The following CRYBA4 variants were observed in gnomAD, a reference collection of about 807,000 sequenced individuals.
CRYBA4 encodes crystallin beta A4, also known as beta-crystallin A4.
CRYBA4 carries 30 observed loss-of-function variants against 31.7 expected under a neutral mutation model. The ratio of observed to expected loss-of-function variants is 0.95; its 90% CI spans 0.71 to 1.28. The LOEUF (loss-of-function observed/expected upper bound fraction) is 1.28. Ranked by LOEUF, CRYBA4 falls within the 50% of genes most tolerant of loss-of-function variation. The probability of loss-of-function intolerance (pLI) is 0.00; values close to 1 mark genes in which losing one functional copy is unlikely to be tolerated. For missense variants in CRYBA4, 225 were observed against 260.7 expected (o/e 0.86, Z 0.94); for synonymous variants, 102 against 102.3 (o/e 1.00, Z 0.02).
the CRYBA4 span, among the ~76,000 whole-genome samples, chr22:26,593,946 A>G: frequency 6.6e-6 from 1 of 152,218 alleles, no homozygotes; most frequent in South Asian, 2.1e-4. Flanking sequence ...CCCATTTTAC[A>G]GATGTGGAAA....
the CRYBA4 span, among the ~76,000 whole-genome samples, chr22:26,600,051 A>T: frequency 6.6e-6 from 1 of 152,204 alleles, no homozygotes; most frequent in African/African-American, 2.4e-5. Flanking sequence ...CAAGAATAGG[A>T]CTTAGGGACT....
In CRYBA4 at chr22:26,625,534, G is replaced by T. The variant is rs778397499; in HGVS notation, c.212G>T (p.Arg71Leu). Residue 71 changes from arginine (R) to leucine (L), a missense_variant, in exon 4 of 6, where the codon CGA (arginine) becomes CTA (leucine). Coordinates refer to ENST00000354760, the MANE Select transcript of CRYBA4 (RefSeq NM_001886.3). ...CAAGGGCAGCAGTACATTCTGGAACGAGGCGAATATCCAAGCTGGGATGCC... is the reference window on the plus strand; with the variant it reads ...CAAGGGCAGCAGTACATTCTGGAACTAGGCGAATATCCAAGCTGGGATGCC... ...GFQGQQYILE[R>L]GEYPSWDAWG... 9 of 1,614,048 alleles carry T rather than the reference G, an allele frequency of 5.6e-6. No individual in the cohort carries two copies. The highest frequency in any genetic ancestry group is 7.6e-6 in the Non-Finnish European group (9 of 1,180,022).
the CRYBA4 span, among the ~76,000 whole-genome samples, chr22:26,612,812 G>A: frequency 3.9e-5 from 6 of 152,210 alleles, no homozygotes; most frequent in East Asian, 5.8e-4. Context: ...TCCCTAATAC[G>A]CATTCCAGCT....
rs201917169 is a variant in CRYBA4 at position 26,627,488 on chromosome 22, T to TTTTCTTTCTTTCTTTCTTTC, written c.301-782_301-763dup. Among the ~76,000 whole-genome samples the TTTTCTTTCTTTCTTTCTTTC allele has an allele frequency of 6.9e-4, 56 of 81,634 alleles. 1 individual carries two copies. Among genetic ancestry groups the TTTTCTTTCTTTCTTTCTTTC allele is most frequent in the Admixed American group, 1.6e-3 (11 of 7,072 alleles). The allele number at this position is 81,634 out of a possible 152,430, so 53.6% of individuals were successfully genotyped here. ...TCTTTCTTTCTTTCTCTTTCTTTCC[T>TTTTCTTTCTTTCTTTCTTTC]TTTCTTTCTTTCTTTCTTTCTTTCT... On this transcript the variant is annotated intron_variant, in intron 4 of 5. Coordinates refer to ENST00000354760, the MANE Select transcript of CRYBA4 (RefSeq NM_001886.3).
Position 26,628,452 on chromosome 22 carries a change from C to T in CRYBA4, c.443+22C>T, listed in dbSNP as rs368812277. The T allele has an allele frequency of 1.4e-5, 22 of 1,612,852 alleles. No individual in the cohort carries two copies. The African/African-American group carries it at 2.4e-4, about 18-fold the overall frequency. On this transcript the variant is annotated intron_variant, in intron 5 of 5. Coordinates refer to ENST00000354760, the MANE Select transcript of CRYBA4 (RefSeq NM_001886.3). ...GGGCGTAAGTGTATTCAAGGCTCTA[C>T]CTGGCAGGGGAGGGGCTACTGGGAG...
the CRYBA4 span, among the ~76,000 whole-genome samples, chr22:26,591,876 C>G: frequency 8.7e-6 from 1 of 114,736 alleles, no homozygotes; most frequent in African/African-American, 3.4e-5. Context: ...CCACTGCACT[C>G]CATCCTGGGT....
the CRYBA4 span, among the ~76,000 whole-genome samples, chr22:26,610,424 C>T: frequency 1.3e-3 from 196 of 152,180 alleles, no homozygotes; most frequent in Middle Eastern, 6.8e-3. Flanking sequence ...CCATCAGGCA[C>T]GGCTCCAAGG....
At chr22:26,602,086 G>A in the CRYBA4 span, 54 of 1,591,604 alleles carry the variant, frequency 3.4e-5, no homozygotes, top group East Asian at 1.1e-4. Context: ...GAAACTTAGC[G>A]GGGCCTTCTG....
chr22:26,626,338 A>G (rs1929704065), intron 4 of CRYBA4, among the ~76,000 whole-genome samples: 1 of 152,236 alleles, frequency 6.6e-6, no homozygotes, highest in African/African-American at 2.4e-5. Flanking sequence ...CGGGAGACAG[A>G]GGTTGCAGTG....
the CRYBA4 span, among the ~76,000 whole-genome samples, chr22:26,596,279 T>C: frequency 6.6e-6 from 1 of 152,062 alleles, no homozygotes; most frequent in African/African-American, 2.4e-5. Context: ...ATATTTTTAA[T>C]AGAGATGGGG....
the CRYBA4 span, among the ~76,000 whole-genome samples, chr22:26,610,056 A>G: frequency 2.6e-5 from 4 of 151,906 alleles, no homozygotes; most frequent in African/African-American, 4.8e-5. Flanking sequence ...ACCATGCCCA[A>G]GTCCCCCTAA....
chr22:26,613,039 C>G, the CRYBA4 span, among the ~76,000 whole-genome samples: 1 of 152,190 alleles, frequency 6.6e-6, no homozygotes, highest in Non-Finnish European at 1.5e-5. Context: ...ACCAAGGACT[C>G]CTCCAGGGCA....
At chr22:26,619,256 T>C (rs898050242), upstream of CRYBA4, among the ~76,000 whole-genome samples, 3 of 151,296 alleles carry the variant, frequency 2.0e-5, no homozygotes, top group Admixed American at 2.0e-4. Flanking sequence ...ACAGGGGACA[T>C]GGACAGTGAA....
the CRYBA4 span, among the ~76,000 whole-genome samples, chr22:26,614,304 G>T: frequency 1.2e-4 from 19 of 152,088 alleles, no homozygotes; most frequent in Admixed American, 3.3e-4. Context: ...TGCAGCTTGT[G>T]GGGCATCACG....
chr22:26,630,406 C>T lies in CRYBA4; in HGVS notation c.510C>T (p.Ser170=), dbSNP rs542069348. The T allele has an allele frequency of 1.7e-5, 28 of 1,614,188 alleles. No individual in the cohort carries two copies. The highest frequency in any genetic ancestry group is 1.7e-4 in the Middle Eastern group (1 of 6,058). ...ATGTGCTGGAATGCGATCACCATTC[C>T]GGTGACTACAAACATTTCCGGGAGT... is the stretch of plus-strand genomic sequence containing the variant. The part of the protein sequence containing the change: ...FQYVLECDHH[S]GDYKHFREWG... Residue 170 remains serine (S), a synonymous_variant, in exon 6 of 6, where the codon TCC becomes TCT. Transcript: ENST00000354760.
chr22:26,614,810 A>T, the CRYBA4 span, among the ~76,000 whole-genome samples: 3 of 152,188 alleles, frequency 2.0e-5, 1 homozygote, highest in Admixed American at 1.3e-4. Flanking sequence ...CCGTCTCATA[A>T]TTCGGTCTCA....
At chr22:26,612,115 G>A in the CRYBA4 span, 37 of 1,613,686 alleles carry the variant, frequency 2.3e-5, no homozygotes, top group African/African-American at 4.0e-5. Context: ...TCGAAGCCAC[G>A]GTCTGCCAGA....
At chr22:26,628,050 A>C (rs1929805966) in intron 4 of CRYBA4, among the ~76,000 whole-genome samples, 2 of 152,084 alleles carry the variant, frequency 1.3e-5, no homozygotes, top group Admixed American at 6.5e-5. Flanking sequence ...TTTGTTTTTG[A>C]AAAAACTGTT....
At chr22:26,626,766 G>A (rs549962778) in intron 4 of CRYBA4, among the ~76,000 whole-genome samples, 2 of 152,246 alleles carry the variant, frequency 1.3e-5, no homozygotes, top group Non-Finnish European at 2.9e-5. Flanking sequence ...GGATTTTTAG[G>A]TTAGGGATGT....
Sources: allele counts gnomAD v4.1 joint callset (sites outside exome capture counted in the v4.1 genomes callset), GRCh38; gene constraint gnomAD v4.1.1; transcripts MANE v1.5; gene names NCBI Gene and HGNC (gene_info 2026-07-23, HGNC 2026-07-21).